GLB1L2: variants seen among roughly 807,000 people sequenced by gnomAD.
GLB1L2 encodes the protein beta-galactosidase-1-like protein 2.
In GLB1L2, 68 loss-of-function variants were observed where a neutral mutation model predicts 84.1. The observed-to-expected ratio is 0.81, with a 90% CI of 0.67 to 0.99. GLB1L2 has a LOEUF of 0.99. Ranked by LOEUF, GLB1L2 falls within the 50% of genes least tolerant of loss-of-function variation. The probability of loss-of-function intolerance (pLI) is 0.00; values close to 1 mark genes in which losing one functional copy is unlikely to be tolerated. For missense variants in GLB1L2, 762 were observed against 805.6 expected, an observed-to-expected ratio of 0.95 and a Z score of 0.66; for synonymous variants, 290 against 318.0, an observed-to-expected ratio of 0.91 and a Z score of 0.94.
At chr11:134,363,816 T>G (rs1323074322) in intron 7 of GLB1L2, among the ~76,000 whole-genome samples, 1 of 152,210 alleles carries the variant, frequency 6.6e-6, no homozygotes, top group African/African-American at 2.4e-5. Flanking sequence ...CTCAGCTCTG[T>G]GCTGCTGTGG....
chr11:134,363,868 G>C lies in GLB1L2; in HGVS notation c.734-460G>C, dbSNP rs565515926. 1.0e-3 allele frequency among the ~76,000 whole-genome samples: 153 copies of C among 152,186 alleles called. 5 individuals are homozygous for C. The South Asian group carries it at 0.031, about 31-fold the overall frequency. On this transcript the variant is annotated intron_variant, in intron 7 of 18. Coordinates refer to ENST00000535456, the MANE Select transcript of GLB1L2 (RefSeq NM_001370461.1). ...ACAAGATAAGTCTCCTGGCGTCCTGGCTGACTTATTTATTTATTTATTTTT... is the reference window on the plus strand; with the variant it reads ...ACAAGATAAGTCTCCTGGCGTCCTGCCTGACTTATTTATTTATTTATTTTT...
In GLB1L2 at chr11:134,364,396, C is replaced by T. The variant is rs1943837874; in HGVS notation, c.802C>T (p.Gln268Ter). ...ACTGACCACCTTTCTCTTCAACGTC[C>T]AGGTAAGTCCAGCCCCAGGGAAGCT... Reference protein sequence around the residue: ...QLLTTFLFNVQGTQPKMVMEY... With the variant: ...QLLTTFLFNV The change falls in exon 8 of 19, where the codon CAG (glutamine) becomes TAG (stop). Residue 268 changes from glutamine to a stop codon, truncating the protein, a stop_gained and splice_region_variant. Coordinates refer to ENST00000535456, the MANE Select transcript of GLB1L2 (RefSeq NM_001370461.1). LOFTEE classifies it high-confidence loss of function. The T allele has an allele frequency of 1.9e-6, 3 of 1,613,150 alleles. No individual in the cohort carries two copies. The highest frequency in any genetic ancestry group is 1.7e-6 in the Non-Finnish European group (2 of 1,179,306).
intron 7 of GLB1L2, chr11:134,359,568 A>C (rs1943753670): frequency 6.3e-6 from 1 of 157,520 alleles, no homozygotes; most frequent in African/African-American, 2.4e-5. Flanking sequence ...AGGCCTAAGC[A>C]GTTGCCTGCT....
intron 6 of GLB1L2, among the ~76,000 whole-genome samples, chr11:134,357,049 G>A (rs1000505952): frequency 6.6e-5 from 10 of 152,156 alleles, no homozygotes; most frequent in Non-Finnish European, 1.3e-4. Flanking sequence ...GTGATATCCC[G>A]CAGCTCAGTA....
At position 134,356,377 on chromosome 11, in the gene GLB1L2, T is replaced by C; in HGVS notation, c.635T>C (p.Met212Thr). ...YGSYNKDPAYMPYVKKALEDR... is the reference protein window; with the variant it reads ...YGSYNKDPAYTPYVKKALEDR... ...TCCTATAATAAAGACCCCGCATACATGCCCTACGTCAAGAAGGTAAGAATC... is the reference window on the plus strand; with the variant it reads ...TCCTATAATAAAGACCCCGCATACACGCCCTACGTCAAGAAGGTAAGAATC... Residue 212 changes from methionine to threonine, a missense_variant, in exon 6 of 19, where the codon ATG becomes ACG. Physicochemically the swap from Met to Thr is moderately conservative, Grantham distance 81 (BLOSUM62 -1). This residue lies in a region of GLB1L2 where 603 missense variants were observed against 611.7 expected (regional missense o/e 0.99). Transcript: ENST00000535456. 6.2e-7 allele frequency: 1 copy of C among 1,612,742 alleles called. No individual in the cohort carries two copies. Among genetic ancestry groups the C allele is most frequent in the Non-Finnish European group, 8.5e-7 (1 of 1,178,748 alleles).
chr11:134,373,848 A>G, intron 16 of GLB1L2, 40 bp downstream of exon 16: 1 of 1,399,748 alleles, frequency 7.1e-7, no homozygotes, highest in Non-Finnish European at 1.0e-6. Context: ...ACTCACAGGT[A>G]TAGTGCTGTG....
At chr11:134,363,317 C>T (rs1333984547) in intron 7 of GLB1L2, among the ~76,000 whole-genome samples, 1 of 152,238 alleles carries the variant, frequency 6.6e-6, no homozygotes, top group Admixed American at 6.5e-5. Context: ...CCCCAGCTGT[C>T]GCTTGCGTTC....
chr11:134,366,467 A>G (rs55914067), intron 8 of GLB1L2, among the ~76,000 whole-genome samples: 43,022 of 152,008 alleles, frequency 0.28, 6,684 homozygotes, highest in East Asian at 0.5. Flanking sequence ...GAGATACTTG[A>G]CAAGCTGTCA....
intron 1 of GLB1L2, among the ~76,000 whole-genome samples, chr11:134,340,828 C>A (rs1371102155): frequency 1.3e-5 from 2 of 152,136 alleles, no homozygotes; most frequent in Non-Finnish European, 2.9e-5. Context: ...TTTTATGTGT[C>A]CCAAAATATT....
intron 10 of GLB1L2, among the ~76,000 whole-genome samples, 197 bp from the exon 11 acceptor site, chr11:134,369,608 C>CAAGCGATCCT (rs1591624674): frequency 1.3e-5 from 2 of 152,100 alleles, no homozygotes; most frequent in Admixed American, 6.5e-5. Context: ...AGCCGCTGCA[C>CAAGCGATCCT]CTGGCCTTAT....
chr11:134,351,453 C>T (rs1943632821), intron 5 of GLB1L2, among the ~76,000 whole-genome samples: 1 of 148,878 alleles, frequency 6.7e-6, no homozygotes, highest in Non-Finnish European at 1.5e-5. Context: ...TCAAGTGATT[C>T]TCCTGCCTCA....
intron 10 of GLB1L2, among the ~76,000 whole-genome samples, chr11:134,369,077 C>A (rs1208180458): frequency 6.6e-6 from 1 of 152,192 alleles, no homozygotes; most frequent in African/African-American, 2.4e-5. Flanking sequence ...GGCCTCCCCT[C>A]CCTGCCCAGG....
At position 134,338,583 on chromosome 11, in the gene GLB1L2, C is replaced by T. The variant is rs1943420077; in HGVS notation, c.87-4171C>T. Among the ~76,000 whole-genome samples, 1 of 152,318 alleles carries T rather than the reference C, an allele frequency of 6.6e-6. No individual in the cohort carries two copies. On this transcript the variant is annotated intron_variant, in intron 1 of 18. Coordinates refer to ENST00000535456, the MANE Select transcript of GLB1L2 (RefSeq NM_001370461.1). The surrounding 1 kb of genome is among the most constrained non-coding windows in gnomAD (Gnocchi z 6.2). The stretch of plus-strand genomic sequence containing the variant: ...CCCTTCATCCTCAGGACCCACCTCA[C>T]CAGTCAAGGAAAAATTACTCCAGAG...
At chr11:134,365,074 C>T (rs906152150) in intron 8 of GLB1L2, 1 of 152,628 alleles carries the variant, frequency 6.6e-6, no homozygotes, top group Non-Finnish European at 1.5e-5. Context: ...GGTCCTGGGC[C>T]TGGAGTGGAG....
chr11:134,371,190 C>T, intron 13 of GLB1L2, 42 bp downstream of exon 13: 1 of 1,610,250 alleles, frequency 6.2e-7, no homozygotes, highest in Non-Finnish European at 8.5e-7. Context: ...TTCTGGTGAG[C>T]AGCTCTGCAA....
chr11:134,337,481 A>T (rs1235794150), intron 1 of GLB1L2, among the ~76,000 whole-genome samples: 1 of 152,214 alleles, frequency 6.6e-6, no homozygotes, highest in East Asian at 1.9e-4. Flanking sequence ...TAGAGGCATT[A>T]AGGGCACCAT....
In GLB1L2 at chr11:134,347,386, G is replaced by C; in HGVS notation, c.511G>C (p.Val171Leu). 6.2e-7 allele frequency: 1 copy of C among 1,614,214 alleles called. No homozygotes were observed. The highest frequency in any genetic ancestry group is 1.3e-5 in the African/African-American group (1 of 75,074). The change falls in exon 5 of 19, where the codon GTG (valine) becomes CTG (leucine). Residue 171 changes from valine (V) to leucine (L), a missense_variant. This residue lies in a region of GLB1L2 where 603 missense variants were observed against 611.7 expected (regional missense o/e 0.99). Coordinates refer to ENST00000535456, the MANE Select transcript of GLB1L2 (RefSeq NM_001370461.1). Reference sequence around the variant, plus strand: ...AACTTACAAGGGCTTCACCGAAGCAGTGGACCTTTATTTTGACCACCTGAT... The same window carrying C: ...AACTTACAAGGGCTTCACCGAAGCACTGGACCTTTATTTTGACCACCTGAT... ...RTTYKGFTEA[V>L]DLYFDHLMSR...
intron 2 of GLB1L2, among the ~76,000 whole-genome samples, 200 bp downstream of exon 2, chr11:134,343,151 C>T (rs958781138): frequency 2.6e-5 from 4 of 152,098 alleles, no homozygotes; most frequent in African/African-American, 9.7e-5. Flanking sequence ...CTAGAGGAAC[C>T]GCAGTAGCAA....
chr11:134,337,592 A>G (rs1943405130), intron 1 of GLB1L2, among the ~76,000 whole-genome samples: 1 of 152,206 alleles, frequency 6.6e-6, no homozygotes, highest in African/African-American at 2.4e-5. Flanking sequence ...AATATCCCCA[A>G]ACAGACAGTT....
Sources: allele counts gnomAD v4.1 joint callset (sites outside exome capture counted in the v4.1 genomes callset), GRCh38; gene constraint gnomAD v4.1.1; regional missense constraint gnomAD v4.1.1; non-coding constraint Gnocchi (gnomAD v3.1); transcripts MANE v1.5; gene names NCBI Gene and HGNC (gene_info 2026-07-23, HGNC 2026-07-21).